The following AP2B1 variants were observed in gnomAD, a reference collection of about 807,000 sequenced individuals.
AP2B1 encodes the protein AP-2 complex subunit beta.
A neutral mutation model predicts 102.0 loss-of-function variants in AP2B1; 23 were observed. The observed-to-expected ratio is 0.23, with a 90% CI of 0.16 to 0.32. The LOEUF (loss-of-function observed/expected upper bound fraction) is 0.32, where lower values mean the gene tolerates loss of function less well. Among genes scored for constraint, AP2B1 ranks in the 10% least tolerant of loss-of-function variants. The pLI, the probability that AP2B1 is intolerant of heterozygous loss-of-function variation, is 1.00. For missense variants in AP2B1, 541 were observed against 1,157.4 expected (o/e 0.47, Z 7.73); for synonymous variants, 381 against 421.2 (o/e 0.90, Z 1.17).
intron 17 of AP2B1, among the ~76,000 whole-genome samples, chr17:35,676,257 C>T (rs1439523754): frequency 6.6e-6 from 1 of 152,026 alleles, no homozygotes; most frequent in Non-Finnish European, 1.5e-5. Flanking sequence ...TTTTCTTTTT[C>T]TCATTTTATT....
intron 18 of AP2B1, among the ~76,000 whole-genome samples, chr17:35,684,847 G>A (rs750180766): frequency 3.9e-5 from 6 of 151,990 alleles, no homozygotes; most frequent in Non-Finnish European, 7.4e-5. Context: ...AAGAGAATTT[G>A]GGTCACAGAA....
intron 14 of AP2B1, chr17:35,659,872 C>T (rs755282894): frequency 3.5e-4 from 343 of 985,026 alleles, no homozygotes; most frequent in Non-Finnish European, 4.0e-4. Flanking sequence ...GCTTTGGATC[C>T]GTATGTGGTT....
rs547432797 is a variant in AP2B1, at chr17:35,624,627, T to C, written c.716+40T>C. On this transcript the variant is annotated intron_variant, in intron 6 of 21. Coordinates refer to ENST00000610402, the MANE Select transcript of AP2B1 (RefSeq NM_001030006.2). ...CTGGCTACTTTCTGGTAGTCTTGCC[T>C]GATGCAGTAAGTTCTGGAGTCTGCT... 53 of 1,581,960 alleles carry C rather than the reference T, an allele frequency of 3.4e-5. 1 individual carries two copies. In the South Asian group the frequency reaches 5.5e-4, roughly 16 times the overall value.
At chr17:35,668,473 C>G (rs969925695) in intron 14 of AP2B1, among the ~76,000 whole-genome samples, 4 of 152,092 alleles carry the variant, frequency 2.6e-5, no homozygotes, top group Non-Finnish European at 5.9e-5. Context: ...CTCTCTGCAA[C>G]CCCCACACAC....
chr17:35,718,664 A>G (rs1218611336), intron 21 of AP2B1, among the ~76,000 whole-genome samples: 2 of 114,332 alleles, frequency 1.7e-5, no homozygotes, highest in Admixed American at 1.7e-4. Context: ...CCTGGGTAAC[A>G]TAGTGAGACC....
intron 18 of AP2B1, among the ~76,000 whole-genome samples, chr17:35,687,742 G>C (rs1032642699): frequency 4.6e-5 from 7 of 151,674 alleles, no homozygotes; most frequent in African/African-American, 1.7e-4. Context: ...GTAGAGATGG[G>C]GTCTCACTGT....
At chr17:35,682,319 G>A (rs1305689530) in intron 17 of AP2B1, among the ~76,000 whole-genome samples, 2 of 146,646 alleles carry the variant, frequency 1.4e-5, no homozygotes, top group Non-Finnish European at 1.5e-5. Context: ...CCAAAGATAT[G>A]GCAAAATCCT....
intron 10 of AP2B1, among the ~76,000 whole-genome samples, chr17:35,639,153 A>T (rs2074695281): frequency 6.6e-6 from 1 of 151,818 alleles, no homozygotes; most frequent in Non-Finnish European, 1.5e-5. Flanking sequence ...ACATAGCAAG[A>T]CCCCCATCTC....
chr17:35,637,271 G>A (rs1465133836), intron 10 of AP2B1, among the ~76,000 whole-genome samples: 3 of 152,076 alleles, frequency 2.0e-5, no homozygotes, highest in Non-Finnish European at 4.4e-5. Context: ...TGCAACCTCC[G>A]CCTCCCGGGT....
intron 18 of AP2B1, among the ~76,000 whole-genome samples, chr17:35,693,940 GCA>G (rs1191966470): frequency 6.6e-6 from 1 of 152,194 alleles, no homozygotes; most frequent in Non-Finnish European, 1.5e-5. Flanking sequence ...TGTCCACCAG[GCA>G]GAACATAGGC....
In AP2B1 at chr17:35,725,280, A is replaced by G. The variant is rs1029108554; in HGVS notation, c.*1581A>G. The G allele has an allele frequency of 6.6e-6, 1 of 152,332 alleles. No homozygotes were observed. Among genetic ancestry groups the G allele is most frequent in the African/African-American group, 2.4e-5 (1 of 41,548 alleles). 9.4% of individuals were successfully genotyped at this position (152,332 alleles called of 1,614,324 possible). ...CACTTGTTGCATTGCCTGGCACCCA[A>G]TATTCAGGGTCCATGACTAAGACTG... On this transcript the variant is annotated 3_prime_UTR_variant, in exon 22 of 22. Transcript: ENST00000610402.
At chr17:35,627,289 A>T in intron 7 of AP2B1, 96 bp from the exon 8 acceptor site, 2 of 352,834 alleles carry the variant, frequency 5.7e-6, no homozygotes, top group African/African-American at 3.1e-5. Flanking sequence ...GAGCGAGAGG[A>T]GAGCAGAGAG....
chr17:35,640,246 T>TA (rs2074739640), intron 11 of AP2B1, among the ~76,000 whole-genome samples: 3 of 30,870 alleles, frequency 9.7e-5, no homozygotes, highest in South Asian at 7.4e-4. Flanking sequence ...TTTTTTTTTT[T>TA]TTTTTTTTTG....
Position 35,657,018 on chromosome 17 carries a change from A to C in AP2B1, c.1797-581A>C, listed in dbSNP as rs542615651. ...ATTTTTTCACCACCCCTAAAGTCAA[A>C]TTGTTCATTTCTGTGCCTTTGTACA... On this transcript the variant is annotated intron_variant, in intron 13 of 21. Transcript: ENST00000610402. Among the ~76,000 whole-genome samples, 46 of 152,230 alleles carry C rather than the reference A, an allele frequency of 3.0e-4. 1 individual carries two copies. In the South Asian group the frequency reaches 9.5e-3, roughly 32 times the overall value.
intron 21 of AP2B1, among the ~76,000 whole-genome samples, chr17:35,719,293 C>T (rs2085284263): frequency 6.6e-6 from 1 of 151,900 alleles, no homozygotes; most frequent in Admixed American, 6.6e-5. Context: ...GTACTATGAA[C>T]TCTTATTACA....
intron 17 of AP2B1, among the ~76,000 whole-genome samples, chr17:35,680,796 A>G (rs1341517214): frequency 2.0e-5 from 3 of 149,766 alleles, no homozygotes; most frequent in Non-Finnish European, 4.4e-5. Context: ...TCCCGGGTTC[A>G]AACAATTCTC....
chr17:35,600,916 CTG>C (rs1597989484), intron 3 of AP2B1: 1 of 770,004 alleles, frequency 1.3e-6, no homozygotes, highest in East Asian at 1.3e-4. Context: ...GGAAATGACT[CTG>C]TATCTTCTCT....
At chr17:35,711,324 A>G (rs987744765) in intron 20 of AP2B1, among the ~76,000 whole-genome samples, 9 of 151,622 alleles carry the variant, frequency 5.9e-5, no homozygotes, top group African/African-American at 2.2e-4. Flanking sequence ...GGTGGTTCTC[A>G]TAAGGGATTT....
chr17:35,640,227 A>ATTTTTTT (rs745826240), intron 11 of AP2B1, among the ~76,000 whole-genome samples: 1 of 60,546 alleles, frequency 1.7e-5, no homozygotes, highest in African/African-American at 7.1e-5. Context: ...AGTTTTACTG[A>ATTTTTTT]TTTTTTTTTT....
Sources: allele counts gnomAD v4.1 joint callset (sites outside exome capture counted in the v4.1 genomes callset), GRCh38; gene constraint gnomAD v4.1.1; transcripts MANE v1.5; gene names NCBI Gene and HGNC (gene_info 2026-07-23, HGNC 2026-07-21).